TMEM132C: variants seen among roughly 807,000 people sequenced by gnomAD.
TMEM132C encodes the protein transmembrane protein 132C, also known as protein phosphatase 1, regulatory subunit 152.
A neutral mutation model predicts 61.4 loss-of-function variants in TMEM132C; 29 were observed. That is an observed-to-expected ratio of 0.47 (90% CI 0.35 to 0.64). The LOEUF (loss-of-function observed/expected upper bound fraction) is 0.64. Among genes scored for constraint, TMEM132C ranks in the 30% least tolerant of loss-of-function variants. The pLI, the probability that TMEM132C is intolerant of heterozygous loss-of-function variation, is 0.00. For synonymous variants in TMEM132C, 656 were observed against 633.1 expected, an observed-to-expected ratio of 1.04 and a Z score of -0.54; for missense variants, 1,408 against 1,476.9, an observed-to-expected ratio of 0.95 and a Z score of 0.76.
chr12:128,560,602 C>T lies in TMEM132C; in HGVS notation c.1121+16499C>T, dbSNP rs541815541. 2.0e-5 allele frequency among the ~76,000 whole-genome samples: 3 copies of T among 152,314 alleles called. No individual in the cohort carries two copies. In the South Asian group the frequency reaches 6.2e-4, roughly 32 times the overall value. On this transcript the variant is annotated intron_variant, in intron 3 of 8. Coordinates refer to ENST00000435159, the MANE Select transcript of TMEM132C (RefSeq NM_001136103.3). ...GCTTCATCTTATTTCTAGAACTCACCTGTATGGAATCACCTTGTTTCTTTG... is the reference window on the plus strand; with the variant it reads ...GCTTCATCTTATTTCTAGAACTCACTTGTATGGAATCACCTTGTTTCTTTG...
At chr12:128,540,958 T>C (rs1251687526) in intron 2 of TMEM132C, among the ~76,000 whole-genome samples, 1 of 151,952 alleles carries the variant, frequency 6.6e-6, no homozygotes, top group Non-Finnish European at 1.5e-5. Flanking sequence ...TCTACTTCTC[T>C]CTCTCTTTCT....
At chr12:128,607,361 A>G (rs1876465171) in intron 3 of TMEM132C, among the ~76,000 whole-genome samples, 1 of 152,168 alleles carries the variant, frequency 6.6e-6, no homozygotes, top group Non-Finnish European at 1.5e-5. Flanking sequence ...GCTTAAGCCA[A>G]GTGAGATGGG....
At chr12:128,380,437 G>A (rs947701185) in intron 1 of TMEM132C, among the ~76,000 whole-genome samples, 4 of 152,246 alleles carry the variant, frequency 2.6e-5, no homozygotes, top group Admixed American at 2.0e-4. Context: ...CTGAGTCACA[G>A]CAAGAAATAT....
intron 1 of TMEM132C, among the ~76,000 whole-genome samples, chr12:128,389,320 G>C (rs934703990): frequency 1.3e-5 from 2 of 152,172 alleles, no homozygotes; most frequent in Non-Finnish European, 2.9e-5. Context: ...TCATTTTGGA[G>C]ATAGCAGGAG....
intron 2 of TMEM132C, among the ~76,000 whole-genome samples, chr12:128,430,669 G>C (rs1262135118): frequency 6.6e-6 from 1 of 152,102 alleles, no homozygotes; most frequent in Non-Finnish European, 1.5e-5. Context: ...CTCACTTCCT[G>C]TCTCCGTGTC....
At chr12:128,574,759 C>A (rs533034428) in intron 3 of TMEM132C, among the ~76,000 whole-genome samples, 60 of 152,308 alleles carry the variant, frequency 3.9e-4, no homozygotes, top group Non-Finnish European at 5.7e-4. Context: ...GATTCCTTGG[C>A]CCTCATAAAG....
At chr12:128,497,017 A>G (rs1426751110) in intron 2 of TMEM132C, among the ~76,000 whole-genome samples, 1 of 152,182 alleles carries the variant, frequency 6.6e-6, no homozygotes, top group Non-Finnish European at 1.5e-5. Flanking sequence ...TTTGGCGTGG[A>G]TGTCCTTTCT....
intron 1 of TMEM132C, among the ~76,000 whole-genome samples, chr12:128,363,323 T>G (rs1593025460): frequency 6.6e-6 from 1 of 152,258 alleles, no homozygotes. Context: ...TTCAACGACT[T>G]AACAATGACA....
intron 4 of TMEM132C, among the ~76,000 whole-genome samples, chr12:128,660,776 G>A (rs982746935): frequency 2.0e-5 from 3 of 152,124 alleles, no homozygotes; most frequent in South Asian, 2.1e-4. Flanking sequence ...GAACCTCCAC[G>A]GCCACCGTGA....
chr12:128,585,246 A>G (rs552435906), intron 3 of TMEM132C, among the ~76,000 whole-genome samples: 4 of 152,240 alleles, frequency 2.6e-5, no homozygotes, highest in Non-Finnish European at 5.9e-5. Context: ...CCATCTCTGG[A>G]TAGTGGTTTG....
At chr12:128,281,047 T>C (rs181217759) in intron 1 of TMEM132C, among the ~76,000 whole-genome samples, 1 of 152,258 alleles carries the variant, frequency 6.6e-6, no homozygotes, top group Admixed American at 6.5e-5. Context: ...CACAGGAACA[T>C]AGAAGAGTCA....
intron 1 of TMEM132C, among the ~76,000 whole-genome samples, chr12:128,295,056 A>T (rs11837018): frequency 7.4e-6 from 1 of 135,162 alleles, no homozygotes; most frequent in Admixed American, 7.8e-5. Context: ...AAAAAAAATT[A>T]AAAAATTGAG....
intron 3 of TMEM132C, among the ~76,000 whole-genome samples, chr12:128,552,263 T>A (rs1874200005): frequency 6.6e-6 from 1 of 152,232 alleles, no homozygotes; most frequent in Admixed American, 6.5e-5. Context: ...AAATATAGTA[T>A]CTTAAAAATA....
chr12:128,277,590 A>C (rs1250111945), intron 1 of TMEM132C, among the ~76,000 whole-genome samples: 3 of 152,180 alleles, frequency 2.0e-5, no homozygotes, highest in African/African-American at 7.2e-5. Context: ...GGTCACTTCC[A>C]CCCACACCAC....
intron 1 of TMEM132C, among the ~76,000 whole-genome samples, chr12:128,273,275 C>A (rs1235187403): frequency 1.3e-5 from 2 of 152,134 alleles, no homozygotes. Flanking sequence ...GTTGTTCAAT[C>A]AATCCACCTT....
chr12:128,594,780 G>A (rs148587437), intron 3 of TMEM132C, among the ~76,000 whole-genome samples: 3 of 152,308 alleles, frequency 2.0e-5, no homozygotes, highest in African/African-American at 7.2e-5. Context: ...AGACGAAATT[G>A]CAGCCTTTAA....
At chr12:128,619,839 A>C (rs1359805054) in intron 4 of TMEM132C, among the ~76,000 whole-genome samples, 3 of 152,236 alleles carry the variant, frequency 2.0e-5, no homozygotes, top group African/African-American at 7.2e-5. Context: ...AAAAGGGTTC[A>C]TATCCCAAGT....
intron 2 of TMEM132C, among the ~76,000 whole-genome samples, chr12:128,441,535 G>A (rs1433847260): frequency 1.3e-5 from 2 of 152,212 alleles, no homozygotes; most frequent in African/African-American, 2.4e-5. Context: ...TCACACATAT[G>A]GGAGACTCGG....
At chr12:128,520,083 C>T (rs1872848408) in intron 2 of TMEM132C, among the ~76,000 whole-genome samples, 1 of 152,214 alleles carries the variant, frequency 6.6e-6, no homozygotes, top group African/African-American at 2.4e-5. Flanking sequence ...ATGACCGTCA[C>T]CCTCTGCCCT....
Sources: allele counts gnomAD v4.1 joint callset (sites outside exome capture counted in the v4.1 genomes callset), GRCh38; gene constraint gnomAD v4.1.1; transcripts MANE v1.5; gene names NCBI Gene and HGNC (gene_info 2026-07-23, HGNC 2026-07-21).